The following HDAC9 variants were observed in gnomAD, a reference collection of about 807,000 sequenced individuals.
The protein encoded by HDAC9 is MEF-2 interacting transcription repressor (MITR) protein.
A neutral mutation model predicts 139.4 loss-of-function variants in HDAC9; 41 were observed. That is an observed-to-expected ratio of 0.29 (90% CI 0.23 to 0.38). The LOEUF (loss-of-function observed/expected upper bound fraction) is 0.38. Ranked by LOEUF, HDAC9 falls within the 10% of genes least tolerant of loss-of-function variation. The probability of loss-of-function intolerance (pLI) is 1.00; values close to 1 mark genes in which losing one functional copy is unlikely to be tolerated. For synonymous variants in HDAC9, 517 were observed against 476.2 expected, an observed-to-expected ratio of 1.09 and a Z score of -1.12; for missense variants, 1,147 against 1,297.0, an observed-to-expected ratio of 0.88 and a Z score of 1.78.
intron 22 of HDAC9, among the ~76,000 whole-genome samples, chr7:18,902,989 T>A (rs1801872417): frequency 6.6e-6 from 1 of 152,218 alleles, no homozygotes; most frequent in Non-Finnish European, 1.5e-5. Context: ...GCAGAGCTAG[T>A]CAGTCTGATA....
At chr7:18,799,958 G>A (rs1204742162) in intron 17 of HDAC9, among the ~76,000 whole-genome samples, 2 of 152,154 alleles carry the variant, frequency 1.3e-5, no homozygotes, top group Non-Finnish European at 2.9e-5. Flanking sequence ...ATACCTAGAC[G>A]CACCATAATG....
chr7:18,509,564 T>A, intron 2 of HDAC9: 2 of 563,600 alleles, frequency 3.5e-6, no homozygotes, highest in Non-Finnish European at 4.5e-6. Flanking sequence ...TTGTTGTTGT[T>A]GATTTCTTAG....
intron 21 of HDAC9, among the ~76,000 whole-genome samples, chr7:18,844,866 C>T (rs565567348): frequency 2.0e-5 from 3 of 152,272 alleles, no homozygotes; most frequent in Middle Eastern, 3.4e-3. Context: ...CCCATGTTGC[C>T]TCCCCTGTAG....
chr7:18,729,727 A>G (rs1182044517), intron 13 of HDAC9, among the ~76,000 whole-genome samples: 1 of 152,192 alleles, frequency 6.6e-6, no homozygotes, highest in Non-Finnish European at 1.5e-5. Flanking sequence ...CAAAGCATGT[A>G]TTCCAAAAAC....
intron 8 of HDAC9, among the ~76,000 whole-genome samples, chr7:18,638,314 A>G (rs1382681657): frequency 6.6e-6 from 1 of 152,134 alleles, no homozygotes; most frequent in Non-Finnish European, 1.5e-5. Flanking sequence ...CTTGAGCCCT[A>G]GATGAAAACA....
intron 1 of HDAC9, among the ~76,000 whole-genome samples, chr7:18,337,917 A>G (rs757845209): frequency 2.0e-4 from 31 of 151,740 alleles, no homozygotes; most frequent in Non-Finnish European, 4.0e-4. Context: ...TCTCATCTGT[A>G]AAATAAATGT....
chr7:18,709,829 AC>A (rs1018620265), intron 12 of HDAC9, among the ~76,000 whole-genome samples: 2 of 152,138 alleles, frequency 1.3e-5, no homozygotes, highest in African/African-American at 2.4e-5. Context: ...GAGCCATGAC[AC>A]CCAGCCTTGC....
At chr7:18,753,867 A>T (rs1371516181) in intron 14 of HDAC9, among the ~76,000 whole-genome samples, 1 of 152,114 alleles carries the variant, frequency 6.6e-6, no homozygotes, top group African/African-American at 2.4e-5. Context: ...GATCTCTTAC[A>T]GCTGTAATAC....
intron 2 of HDAC9, among the ~76,000 whole-genome samples, chr7:18,277,605 C>T (rs575165464): frequency 3.7e-4 from 56 of 152,292 alleles, no homozygotes; most frequent in African/African-American, 1.3e-3. Context: ...TTTACACCCA[C>T]AACTGCAAAT....
chr7:18,217,392 A>C (rs765994450), intron 2 of HDAC9, among the ~76,000 whole-genome samples: 1 of 152,118 alleles, frequency 6.6e-6, no homozygotes, highest in East Asian at 1.9e-4. Flanking sequence ...TTTGAAATTA[A>C]CAACTGTTTT....
chr7:18,304,902 C>T (rs1048239470), intron 1 of HDAC9, among the ~76,000 whole-genome samples: 1 of 151,814 alleles, frequency 6.6e-6, no homozygotes, highest in African/African-American at 2.4e-5. Context: ...CATATGCCCC[C>T]ACCCCCACCT....
At chr7:18,815,608 G>A (rs1035475280) in intron 17 of HDAC9, among the ~76,000 whole-genome samples, 3 of 152,182 alleles carry the variant, frequency 2.0e-5, no homozygotes, top group African/African-American at 7.2e-5. Context: ...ACAGGCTGAA[G>A]GCTGTAGGCA....
At chr7:18,733,152 T>C (rs1335912053) in intron 13 of HDAC9, among the ~76,000 whole-genome samples, 1 of 147,758 alleles carries the variant, frequency 6.8e-6, no homozygotes, top group Admixed American at 6.7e-5. Context: ...TATACACATA[T>C]ATACACGTGT....
chr7:18,388,425 T>C (rs555097467), intron 1 of HDAC9, among the ~76,000 whole-genome samples: 1 of 152,296 alleles, frequency 6.6e-6, no homozygotes, highest in African/African-American at 2.4e-5. Flanking sequence ...CCTGTGAGGA[T>C]AGAGGAGAAG....
chr7:18,749,173 T>G (rs1788232609), intron 14 of HDAC9, 35 bp downstream of exon 14: 1 of 1,606,048 alleles, frequency 6.2e-7, no homozygotes, highest in Non-Finnish European at 8.5e-7. Flanking sequence ...TTTACTTACT[T>G]AAATAAATCA....
chr7:18,598,217 A>G (rs1301291391), intron 6 of HDAC9, among the ~76,000 whole-genome samples: 1 of 152,192 alleles, frequency 6.6e-6, no homozygotes, highest in Non-Finnish European at 1.5e-5. Flanking sequence ...ACATTTCTGC[A>G]AAGATATCAT....
At position 18,647,111 on chromosome 7, in the gene HDAC9, A is replaced by G. The variant is rs529630146; in HGVS notation, c.1036-674A>G. Among the ~76,000 whole-genome samples the G allele has an allele frequency of 6.6e-5, 10 of 152,248 alleles. No individual in the cohort carries two copies. The South Asian group carries it at 1.5e-3, about 22-fold the overall frequency. Reference sequence around the variant, plus strand: ...ATTGTTCCTTTTGCTTGCAACTCCAAAATTACAGTCCATCTTATCTCCAGC... The same window carrying G: ...ATTGTTCCTTTTGCTTGCAACTCCAGAATTACAGTCCATCTTATCTCCAGC... On this transcript the variant is annotated intron_variant, in intron 9 of 25. Coordinates refer to ENST00000686413, the MANE Select transcript of HDAC9 (RefSeq NM_178425.4).
At chr7:18,793,655 T>C (rs1792528990) in intron 17 of HDAC9, among the ~76,000 whole-genome samples, 1 of 152,150 alleles carries the variant, frequency 6.6e-6, no homozygotes, top group South Asian at 2.1e-4. Flanking sequence ...TTCTTCTGCC[T>C]GAGAACACTC....
At position 18,155,941 on chromosome 7, in the gene HDAC9, C is replaced by T. The variant is rs140885223; in HGVS notation, c.-96-6288C>T. ...ATCACCGACTGCATTGCTGATGTGG[C>T]TCTTGCTTGTGCCCATCAGCTTCCC... On this transcript the variant is annotated intron_variant, in intron 1 of 12. Transcript: ENST00000417496. Among the ~76,000 whole-genome samples, 82 of 152,314 alleles carry T rather than the reference C, an allele frequency of 5.4e-4. 1 individual carries two copies. In the East Asian group the frequency reaches 0.015, roughly 28 times the overall value.
Sources: allele counts gnomAD v4.1 joint callset (sites outside exome capture counted in the v4.1 genomes callset), GRCh38; gene constraint gnomAD v4.1.1; transcripts MANE v1.5; gene names NCBI Gene and HGNC (gene_info 2026-07-23, HGNC 2026-07-21).